The following SERINC5 variants were observed in gnomAD, a reference collection of about 807,000 sequenced individuals.
The protein encoded by SERINC5 is chromosome 5 open reading frame 12.
A neutral mutation model predicts 63.1 loss-of-function variants in SERINC5; 41 were observed. That is an observed-to-expected ratio of 0.65 (90% confidence interval 0.51 to 0.84). The LOEUF is 0.84. Among genes scored for constraint, SERINC5 ranks in the 40% least tolerant of loss-of-function variants. SERINC5 has a pLI of 0.00. For missense variants in SERINC5, 523 were observed against 573.0 expected, an observed-to-expected ratio of 0.91 and a Z score of 0.89; for synonymous variants, 222 against 215.2, an observed-to-expected ratio of 1.03 and a Z score of -0.28.
chr5:80,167,568 T>C (rs61277342), intron 6 of SERINC5, among the ~76,000 whole-genome samples: 43,606 of 152,060 alleles, frequency 0.29, 7,748 homozygotes, highest in African/African-American at 0.51. Flanking sequence ...ATTTATATTC[T>C]TTTGGGTATA....
In SERINC5 at chr5:80,193,020, T is replaced by C. The variant is rs1749289500; in HGVS notation, c.195+9866A>G. ...CCAAACTGCTCTCTTTTCCCCTACCTGAGGGCCAGCTCTATGGGGACAATA... is the reference window on the plus strand; with the variant it reads ...CCAAACTGCTCTCTTTTCCCCTACCCGAGGGCCAGCTCTATGGGGACAATA... On this transcript the variant is annotated intron_variant, in intron 2 of 11. Coordinates refer to ENST00000507668, the MANE Select transcript of SERINC5 (RefSeq NM_001174072.3). Among the ~76,000 whole-genome samples, 4 of 152,188 alleles carry C rather than the reference T, an allele frequency of 2.6e-5. No individual in the cohort carries two copies. In the South Asian group the frequency reaches 8.3e-4, roughly 31 times the overall value.
chr5:80,160,940 ATATGTGTATATATATATG>A (rs1163872639), intron 7 of SERINC5, among the ~76,000 whole-genome samples: 1 of 140,822 alleles, frequency 7.1e-6, no homozygotes, highest in Non-Finnish European at 1.5e-5. Flanking sequence ...GTGTGTATAT[ATATGTGTATATATATATG>A]TGTGTGTATA....
rs544626807 is a variant in SERINC5, at chr5:80,147,174, A to T, written c.1093+71T>A. On this transcript the variant is annotated intron_variant, in intron 10 of 11. Transcript: ENST00000507668. ...TTCAAGTTATTTGTGTCTGAATCCC[A>T]AATGACTACAGATTAGAGTTATAGG... The T allele has an allele frequency of 7.9e-6, 11 of 1,390,914 alleles. No individual in the cohort carries two copies. The African/African-American group carries it at 1.4e-4, about 18-fold the overall frequency. 86.2% of individuals were successfully genotyped at this position (1,390,914 alleles called of 1,614,324 possible). A position where few individuals can be genotyped will look rare whatever the true frequency, so the allele number is the denominator to read the frequency against.
chr5:80,216,654 C>A (rs1157138974), intron 1 of SERINC5, among the ~76,000 whole-genome samples: 2 of 152,046 alleles, frequency 1.3e-5, no homozygotes, highest in Admixed American at 1.3e-4. Context: ...AAACTCAAAA[C>A]GGAGAAGTGT....
chr5:80,151,563 G>T (rs775128984), intron 8 of SERINC5, among the ~76,000 whole-genome samples: 1 of 148,942 alleles, frequency 6.7e-6, no homozygotes, highest in Non-Finnish European at 1.5e-5. Context: ...GCTCATGCCT[G>T]TAATACTCTG....
chr5:80,129,291 TTTTG>T (rs145145991), intron 11 of SERINC5: 8,286 of 151,962 alleles, frequency 0.055, 281 homozygotes, highest in Non-Finnish European at 0.072. Context: ...TGTATATAGG[TTTTG>T]TTTGTTTGTT....
Position 80,177,356 on chromosome 5 carries a change from G to C in SERINC5, c.416C>G (p.Ser139Ter). ...CTGATCTGGAATGAAGAAAGCTCCT[G>C]AGCACATGGCCCCCAACAGCAGAAG... Reference protein sequence around the residue: ...FKLLLLGAMCSGAFFIPDQDT... With the variant: ...FKLLLLGAMC Residue 139 changes from serine to a stop codon, truncating the protein, a stop_gained, in exon 4 of 12, where the codon TCA (serine) becomes TGA (stop). Transcript: ENST00000507668. LOFTEE classifies it high-confidence loss of function. 3 of 1,613,690 alleles carry C rather than the reference G, an allele frequency of 1.9e-6. No individual in the cohort carries two copies. Among genetic ancestry groups the C allele is most frequent in the Non-Finnish European group, 2.5e-6 (3 of 1,179,690 alleles).
intron 1 of SERINC5, among the ~76,000 whole-genome samples, chr5:80,222,501 T>C (rs547984803): frequency 6.6e-6 from 1 of 152,082 alleles, no homozygotes; most frequent in Non-Finnish European, 1.5e-5. Context: ...AAATCCAAAA[T>C]TGTGACCTCA....
chr5:80,173,517 A>G (rs1294052877), intron 5 of SERINC5, among the ~76,000 whole-genome samples: 1 of 152,022 alleles, frequency 6.6e-6, no homozygotes, highest in Non-Finnish European at 1.5e-5. Flanking sequence ...AATGGCACGA[A>G]CCCGGGAGGC....
chr5:80,142,654 C>A lies in SERINC5; in HGVS notation c.*1009G>T. On this transcript the variant is annotated 3_prime_UTR_variant, in exon 12 of 12. Transcript: ENST00000507668. ...ATGGTCACGTTACAGATCCAGAACA[C>A]AAAACGACTTCCGCTTTTACAGTTT... The A allele has an allele frequency of 1.0e-6, 1 of 985,418 alleles. No individual in the cohort carries two copies. The highest frequency in any genetic ancestry group is 1.2e-6 in the Non-Finnish European group (1 of 829,948). 61.0% of individuals were successfully genotyped at this position (985,418 alleles called of 1,614,324 possible).
rs1745480563 is a variant in SERINC5 at position 80,141,132 on chromosome 5, C to A, written c.*2531G>T. On this transcript the variant is annotated 3_prime_UTR_variant, in exon 12 of 12. Coordinates refer to ENST00000507668, the MANE Select transcript of SERINC5 (RefSeq NM_001174072.3). ...TAACATTAACTCTGCATTGATAGTC[C>A]CTCAATCCTCAGATACATCCACATC... The A allele has an allele frequency of 1.0e-6, 1 of 984,888 alleles. No homozygotes were observed. Among genetic ancestry groups the A allele is most frequent in the Admixed American group, 6.2e-5 (1 of 16,236 alleles). The allele number at this position is 984,888 out of a possible 1,614,324, so 61.0% of individuals were successfully genotyped here.
chr5:80,139,390 G>C lies in SERINC5; in HGVS notation c.*4273C>G. 3.0e-6 allele frequency: 3 copies of C among 985,168 alleles called. No individual in the cohort carries two copies. The highest frequency in any genetic ancestry group is 3.6e-6 in the Non-Finnish European group (3 of 829,734). The allele number at this position is 985,168 out of a possible 1,614,324, so 61.0% of individuals were successfully genotyped here. On this transcript the variant is annotated 3_prime_UTR_variant, in exon 12 of 12. Transcript: ENST00000507668. ...CTTTATCCCAAAGGATTACCTTAAA[G>C]AGTTCTTCCATCATTTTACTCATGT...
At chr5:80,222,233 C>G (rs754396211) in intron 1 of SERINC5, among the ~76,000 whole-genome samples, 45 of 152,076 alleles carry the variant, frequency 3.0e-4, no homozygotes, top group Non-Finnish European at 6.3e-4. Flanking sequence ...GGAACAAACA[C>G]AGAGGACGCA....
intron 1 of SERINC5, among the ~76,000 whole-genome samples, chr5:80,208,225 T>C (rs997949111): frequency 6.6e-6 from 1 of 152,054 alleles, no homozygotes; most frequent in African/African-American, 2.4e-5. Context: ...GGTAGTGATG[T>C]GTCAAGGTAG....
chr5:80,122,661 C>T (rs532252456), intron 11 of SERINC5, among the ~76,000 whole-genome samples: 1 of 152,186 alleles, frequency 6.6e-6, no homozygotes, highest in Non-Finnish European at 1.5e-5. Flanking sequence ...TCTGGGTGAT[C>T]CTGATCTAAT....
At position 80,221,277 on chromosome 5, in the gene SERINC5, G is replaced by A. The variant is rs10942914; in HGVS notation, c.28-18224C>T. On this transcript the variant is annotated intron_variant, in intron 1 of 11. Transcript: ENST00000507668. ...CAGCAGGCACATTTAACAATCCTGC[G>A]CACCTTTAATAATCCTGTGTTCAAG... Among the ~76,000 whole-genome samples the A allele has an allele frequency of 7.4e-3, 1,130 of 152,236 alleles. 14 individuals carry two copies. Among genetic ancestry groups the A allele is most frequent in the African/African-American group, 0.026 (1,073 of 41,528 alleles).
chr5:80,153,268 G>A (rs1435060598), intron 8 of SERINC5, among the ~76,000 whole-genome samples: 2 of 151,868 alleles, frequency 1.3e-5, no homozygotes, highest in East Asian at 3.9e-4. Flanking sequence ...GACCAGCCTA[G>A]CCAACATGGT....
At position 80,143,365 on chromosome 5, in the gene SERINC5, T is replaced by C. The variant is rs1745623697; in HGVS notation, c.*298A>G. The C allele has an allele frequency of 1.8e-6, 2 of 1,103,108 alleles. No homozygotes were observed. Among genetic ancestry groups the C allele is most frequent in the South Asian group, 7.9e-5 (2 of 25,330 alleles). 68.3% of individuals were successfully genotyped at this position (1,103,108 alleles called of 1,614,324 possible). The stretch of plus-strand genomic sequence containing the variant: ...TGTGAAAAGATGCTGTGCCCCAAAT[T>C]CTGTTTTGGCAAAAACATGCAGAAG... On this transcript the variant is annotated 3_prime_UTR_variant, in exon 12 of 12. Transcript: ENST00000507668.
chr5:80,189,604 A>G (rs529965261), intron 2 of SERINC5, among the ~76,000 whole-genome samples: 117 of 152,382 alleles, frequency 7.7e-4, no homozygotes, highest in Admixed American at 1.4e-3. Flanking sequence ...TGAAATTTCT[A>G]TAAAGAGAGG....
Sources: allele counts gnomAD v4.1 joint callset (sites outside exome capture counted in the v4.1 genomes callset), GRCh38; gene constraint gnomAD v4.1.1; transcripts MANE v1.5; gene names NCBI Gene and HGNC (gene_info 2026-07-23, HGNC 2026-07-21).